Variants in DENND4A observed in about 807,000 individuals in gnomAD.
DENND4A encodes DENN domain containing 4A, also known as C-myc promoter-binding protein.
Under a neutral mutation model 199.3 loss-of-function variants are expected in DENND4A, and 70 were observed. The ratio of observed to expected loss-of-function variants is 0.35; its 90% CI spans 0.29 to 0.43. The LOEUF is 0.43. Ranked by LOEUF, DENND4A falls within the 20% of genes least tolerant of loss-of-function variation. The pLI, the probability that DENND4A is intolerant of heterozygous loss-of-function variation, is 1.00. For synonymous variants in DENND4A, 686 were observed against 766.9 expected, an observed-to-expected ratio of 0.89 and a Z score of 1.74; for missense variants, 1,723 against 2,255.8, an observed-to-expected ratio of 0.76 and a Z score of 4.78.
intron 9 of DENND4A, among the ~76,000 whole-genome samples, chr15:65,730,386 A>G (rs1489880559): frequency 6.6e-6 from 1 of 152,146 alleles, no homozygotes; most frequent in Non-Finnish European, 1.5e-5. Context: ...ATAAAGCAAA[A>G]CTAATAACAA....
At chr15:65,746,404 T>G (rs2076397938) in intron 4 of DENND4A, among the ~76,000 whole-genome samples, 4 of 110,934 alleles carry the variant, frequency 3.6e-5, no homozygotes, top group African/African-American at 1.5e-4. Context: ...TTTTTTTTTT[T>G]GAGACGGAGT....
At chr15:65,706,370 C>A in intron 14 of DENND4A, 146 bp from the exon 15 acceptor site, 17 of 648,070 alleles carry the variant, frequency 2.6e-5, no homozygotes, top group South Asian at 4.1e-5. Flanking sequence ...TCTATGAGTG[C>A]CAAAATAATT....
chr15:65,680,053 C>A (rs1189022501), intron 23 of DENND4A, among the ~76,000 whole-genome samples: 1 of 152,146 alleles, frequency 6.6e-6, no homozygotes, highest in Non-Finnish European at 1.5e-5. Flanking sequence ...CCTTTGTGAG[C>A]TGGAGTATTT....
In DENND4A at chr15:65,731,825, T is replaced by G; in HGVS notation, c.1108-125A>C. On this transcript the variant is annotated intron_variant, in intron 8 of 32. Coordinates refer to ENST00000443035, the MANE Select transcript of DENND4A (RefSeq NM_001320835.1). ...GTTTCAGTATATCCATTTACCAGTA[T>G]CAGAACACTTTGTATCACTCACTAA... is the stretch of plus-strand genomic sequence containing the variant. 7 of 633,918 alleles carry G rather than the reference T, an allele frequency of 1.1e-5. No individual in the cohort carries two copies. The East Asian group carries it at 2.1e-4, about 19-fold the overall frequency. 39.3% of individuals were successfully genotyped at this position (633,918 alleles called of 1,614,324 possible).
chr15:65,676,520 CTT>C lies in DENND4A; in HGVS notation c.4292_4293del (p.Gln1431ArgfsTer9). 1 of 1,613,826 alleles carries C rather than the reference CTT, an allele frequency of 6.2e-7. No individual in the cohort carries two copies. The highest frequency in any genetic ancestry group is 8.5e-7 in the Non-Finnish European group (1 of 1,179,826). On this transcript the variant is annotated frameshift_variant, in exon 24 of 33. Coordinates refer to ENST00000443035, the MANE Select transcript of DENND4A (RefSeq NM_001320835.1). LOFTEE classifies it high-confidence loss of function. ...TTAGTCCCTGAAGTAGCACTGGTCT[CTT>C]GAGAGGAGATAGGTCCTTCCAACTC... ...CHELEGPISSQETSATSGTKR... is the reference protein window; with the variant it reads ...CHELEGPISSXETSATSGTKR...
rs1267888267 is a variant in DENND4A, at chr15:65,663,193, TA to T, written c.5587+1136del. ...GTGTGTGTGTATATATATATATATA[TA>T]TATATTTTTTTTTTTTTATTTTTTT... On this transcript the variant is annotated intron_variant, in intron 32 of 32. Coordinates refer to ENST00000443035, the MANE Select transcript of DENND4A (RefSeq NM_001320835.1). Among the ~76,000 whole-genome samples the T allele has an allele frequency of 7.2e-3, 890 of 123,194 alleles. 9 individuals are homozygous for T. Among genetic ancestry groups the T allele is most frequent in the African/African-American group, 0.017 (485 of 28,534 alleles). The allele number at this position is 123,194 out of a possible 152,430, so 80.8% of individuals were successfully genotyped here.
At chr15:65,712,420 C>T (rs972615324) in intron 14 of DENND4A, among the ~76,000 whole-genome samples, 14 of 152,116 alleles carry the variant, frequency 9.2e-5, no homozygotes, top group Non-Finnish European at 1.9e-4. Context: ...CTACTCTGAA[C>T]GCTATGATAG....
chr15:65,711,074 C>T (rs1400167088), intron 14 of DENND4A, among the ~76,000 whole-genome samples: 2 of 152,258 alleles, frequency 1.3e-5, no homozygotes, highest in East Asian at 3.9e-4. Context: ...TTTACGGCAA[C>T]ACAAGAAGGG....
intron 14 of DENND4A, among the ~76,000 whole-genome samples, chr15:65,710,850 A>G (rs1407586413): frequency 2.0e-5 from 3 of 152,160 alleles, no homozygotes; most frequent in African/African-American, 7.2e-5. Flanking sequence ...GTTTTATTTA[A>G]GCATATGGCA....
rs566965269 is a variant in DENND4A at position 65,732,788 on chromosome 15, A to G, written c.1071T>C (p.Pro357=). The G allele has an allele frequency of 1.2e-6, 2 of 1,605,890 alleles. No homozygotes were observed. Among genetic ancestry groups the G allele is most frequent in the Non-Finnish European group, 1.7e-6 (2 of 1,173,754 alleles). The change falls in exon 8 of 33, where the codon CCT becomes CCC. Residue 357 remains proline, a synonymous_variant. Coordinates refer to ENST00000443035, the MANE Select transcript of DENND4A (RefSeq NM_001320835.1). ...KHISHFMHKV[P]FPSPQRPRIL... ...TCCGTGGTCTCTGAGGAGATGGAAA[A>G]GGAACTTTATGCATAAAATGAGAAA...
At chr15:65,697,212 T>C in intron 21 of DENND4A, 55 bp downstream of exon 21, 1 of 1,117,004 alleles carries the variant, frequency 9.0e-7, no homozygotes, top group South Asian at 1.4e-5. Flanking sequence ...TCACCTGCAT[T>C]TTCTATGAAT....
intron 22 of DENND4A, among the ~76,000 whole-genome samples, chr15:65,695,314 C>A (rs916350761): frequency 1.3e-5 from 2 of 152,134 alleles, no homozygotes; most frequent in Non-Finnish European, 2.9e-5. Flanking sequence ...AGAGATAATA[C>A]GTAAATGAAT....
intron 14 of DENND4A, among the ~76,000 whole-genome samples, chr15:65,712,944 C>T (rs902032076): frequency 6.6e-6 from 1 of 152,118 alleles, no homozygotes; most frequent in Admixed American, 6.5e-5. Flanking sequence ...GTAACTTCTT[C>T]CCTTAATCTT....
intron 4 of DENND4A, among the ~76,000 whole-genome samples, chr15:65,750,790 C>T (rs1409142430): frequency 6.6e-6 from 1 of 151,566 alleles, no homozygotes; most frequent in African/African-American, 2.4e-5. Flanking sequence ...AAGGATCATG[C>T]ATGGGAGGAC....
At chr15:65,706,311 T>C in intron 14 of DENND4A, 87 bp from the exon 15 acceptor site, 1 of 1,235,648 alleles carries the variant, frequency 8.1e-7, no homozygotes. Flanking sequence ...ATAAACCATC[T>C]GCACAATGGA....
rs372616644 is a variant in DENND4A, at chr15:65,669,632, ACT to A, written c.4787+145_4787+146del. 10 of 672,796 alleles carry A rather than the reference ACT, an allele frequency of 1.5e-5. No homozygotes were observed. The African/African-American group carries it at 1.8e-4, about 12-fold the overall frequency. The allele number at this position is 672,796 out of a possible 1,614,324, so 41.7% of individuals were successfully genotyped here. On this transcript the variant is annotated intron_variant, in intron 27 of 32. Coordinates refer to ENST00000443035, the MANE Select transcript of DENND4A (RefSeq NM_001320835.1). ...ATTTATGTGATTAGAGAATTTTAAC[ACT>A]GTTTTAAGAGTAAGAATTTAAGATT...
rs192560581 is a variant in DENND4A at position 65,736,592 on chromosome 15, C to T, written c.1040+1115G>A. Among the ~76,000 whole-genome samples, 92 of 152,142 alleles carry T rather than the reference C, an allele frequency of 6.0e-4. 1 individual carries two copies. Among genetic ancestry groups the T allele is most frequent in the African/African-American group, 2.1e-3 (88 of 41,510 alleles). ...GACCAATAGATTTTAATGTAACTGA[C>T]AAAGTTCACTACTACAGTTTTAGAT... On this transcript the variant is annotated intron_variant, in intron 7 of 32. Transcript: ENST00000443035.
chr15:65,754,710 A>G (rs1409908199), intron 3 of DENND4A, among the ~76,000 whole-genome samples: 1 of 152,254 alleles, frequency 6.6e-6, no homozygotes, highest in Non-Finnish European at 1.5e-5. Flanking sequence ...TCAAGACCAT[A>G]TGAGATACCA....
chr15:65,773,710 A>T (rs1218273459), intron 1 of DENND4A, among the ~76,000 whole-genome samples: 2 of 152,238 alleles, frequency 1.3e-5, no homozygotes, highest in Non-Finnish European at 2.9e-5. Context: ...AAGACTGGTC[A>T]CTTTTGTCGC....
Sources: gnomAD v4.1 joint callset for allele counts (sites outside exome capture counted in the v4.1 genomes callset) on GRCh38, gnomAD v4.1.1 for gene constraint, MANE v1.5 for transcripts, NCBI Gene and HGNC (gene_info 2026-07-23, HGNC 2026-07-21) for gene names.